Variants in BRINP3 observed in about 807,000 individuals in gnomAD.
The protein encoded by BRINP3 is BMP/retinoic acid-inducible neural-specific protein 3.
In BRINP3, 19 loss-of-function variants were observed where a neutral mutation model predicts 71.0. That is an observed-to-expected ratio of 0.27 (90% confidence interval 0.19 to 0.39). BRINP3 has a LOEUF of 0.39. BRINP3 is among the 10% of genes least tolerant of loss of function. BRINP3 has a pLI of 1.00. For synonymous variants in BRINP3, 380 were observed against 337.7 expected (o/e 1.13, Z -1.37); for missense variants, 959 against 940.8 (o/e 1.02, Z -0.25).
intron 2 of BRINP3, among the ~76,000 whole-genome samples, chr1:190,390,095 T>C (rs1460407395): frequency 2.0e-5 from 3 of 151,640 alleles, no homozygotes; most frequent in Non-Finnish European, 4.4e-5. Context: ...GCAGTAACTC[T>C]CAGAAGGTGA....
chr1:190,192,640 T>C (rs1369381446), intron 6 of BRINP3, among the ~76,000 whole-genome samples: 1 of 152,026 alleles, frequency 6.6e-6, no homozygotes, highest in Non-Finnish European at 1.5e-5. Context: ...AAGTTCTCTA[T>C]GACCCTCAAA....
intron 1 of BRINP3, among the ~76,000 whole-genome samples, chr1:190,456,002 A>C (rs944058101): frequency 3.3e-5 from 5 of 152,214 alleles, no homozygotes; most frequent in Non-Finnish European, 5.9e-5. Flanking sequence ...TACAGAGTGC[A>C]AAGATTCTGA....
chr1:190,192,090 A>T (rs1558050713), intron 6 of BRINP3, among the ~76,000 whole-genome samples: 1 of 152,152 alleles, frequency 6.6e-6, no homozygotes, highest in Non-Finnish European at 1.5e-5. Flanking sequence ...TCTGAAGTTG[A>T]GTTCCAAAAA....
intron 6 of BRINP3, among the ~76,000 whole-genome samples, chr1:190,164,933 T>C (rs1651356843): frequency 6.6e-6 from 1 of 152,162 alleles, no homozygotes; most frequent in Non-Finnish European, 1.5e-5. Context: ...AAAACTCTAC[T>C]GGCTCACATT....
chr1:190,397,306 A>G (rs969161841), intron 2 of BRINP3, among the ~76,000 whole-genome samples: 1 of 151,970 alleles, frequency 6.6e-6, no homozygotes, highest in African/African-American at 2.4e-5. Flanking sequence ...GGAATTGTTC[A>G]TAGATGAATA....
At chr1:190,199,997 C>G (rs1243621654) in intron 6 of BRINP3, among the ~76,000 whole-genome samples, 1 of 152,082 alleles carries the variant, frequency 6.6e-6, no homozygotes, top group East Asian at 1.9e-4. Flanking sequence ...CTGGTAATGA[C>G]AGGAGCTGGC....
chr1:190,304,965 C>T lies in BRINP3; in HGVS notation c.237-23215G>A, dbSNP rs566155732. On this transcript the variant is annotated intron_variant, in intron 2 of 7. Coordinates refer to ENST00000367462, the MANE Select transcript of BRINP3 (RefSeq NM_199051.3). ...AAACTGGGCAAAAAATTTGAAGAGA[C>T]ATTTCTCAAAAGAAGACATACAAAT... is the stretch of plus-strand genomic sequence containing the variant. 6.6e-5 allele frequency among the ~76,000 whole-genome samples: 10 copies of T among 152,014 alleles called. 1 individual carries two copies. Among genetic ancestry groups the T allele is most frequent in the African/African-American group, 2.2e-4 (9 of 41,528 alleles).
At chr1:190,440,381 A>G (rs1572048523) in intron 2 of BRINP3, among the ~76,000 whole-genome samples, 1 of 152,110 alleles carries the variant, frequency 6.6e-6, no homozygotes, top group African/African-American at 2.4e-5. Flanking sequence ...TATACTCAAA[A>G]CAATTTAAGT....
chr1:190,449,403 A>G (rs1291274354), intron 2 of BRINP3, among the ~76,000 whole-genome samples: 1 of 152,024 alleles, frequency 6.6e-6, no homozygotes, highest in Non-Finnish European at 1.5e-5. Flanking sequence ...GATCATGAAG[A>G]GGTAATCTCT....
chr1:190,120,182 T>C (rs1025569909), intron 7 of BRINP3, among the ~76,000 whole-genome samples: 1 of 152,220 alleles, frequency 6.6e-6, no homozygotes, highest in East Asian at 1.9e-4. Flanking sequence ...ATTCAAAGAA[T>C]GTAGAATTCT....
At chr1:190,360,050 G>T (rs1039007186) in intron 2 of BRINP3, among the ~76,000 whole-genome samples, 1 of 152,160 alleles carries the variant, frequency 6.6e-6, no homozygotes, top group African/African-American at 2.4e-5. Context: ...AAAAGGCAGT[G>T]ACACAGGTGT....
chr1:190,407,795 T>A (rs1176565280), intron 2 of BRINP3, among the ~76,000 whole-genome samples: 1 of 152,094 alleles, frequency 6.6e-6, no homozygotes, highest in East Asian at 1.9e-4. Flanking sequence ...TTGGAATATA[T>A]CCATAATAAA....
At chr1:190,340,593 C>A (rs1328669538) in intron 2 of BRINP3, among the ~76,000 whole-genome samples, 1 of 151,638 alleles carries the variant, frequency 6.6e-6, no homozygotes, top group Non-Finnish European at 1.5e-5. Flanking sequence ...TTCCTGACAC[C>A]CACATTTGAA....
chr1:190,415,061 G>T (rs180831927), intron 2 of BRINP3, among the ~76,000 whole-genome samples: 1 of 152,136 alleles, frequency 6.6e-6, no homozygotes, highest in Admixed American at 6.5e-5. Flanking sequence ...AAATTGCAGA[G>T]AATTGGACCT....
rs768599124 is a variant in BRINP3, at chr1:190,098,834, G to A, written c.1485C>T (p.Leu495=). The change falls in exon 8 of 8, where the codon CTC becomes CTT. Residue 495 remains leucine (L), a synonymous_variant. Coordinates refer to ENST00000367462, the MANE Select transcript of BRINP3 (RefSeq NM_199051.3). ...TTTTCTGCAGCAGATATTTCATCTC[G>A]AGATCTTGCAGGTCAGTTTCAAAGC... The part of the protein sequence containing the change: ...YIGFETDLQD[L]EMKYLLQKTD... 6.2e-6 allele frequency: 10 copies of A among 1,614,046 alleles called. No homozygotes were observed. Among genetic ancestry groups the A allele is most frequent in the Non-Finnish European group, 8.5e-6 (10 of 1,180,036 alleles).
chr1:190,252,381 G>A (rs1660227714), intron 4 of BRINP3, among the ~76,000 whole-genome samples: 1 of 151,946 alleles, frequency 6.6e-6, no homozygotes, highest in African/African-American at 2.4e-5. Context: ...TTAAAAATAA[G>A]GTATTTCCAA....
At chr1:190,386,227 T>C (rs1043907498) in intron 2 of BRINP3, among the ~76,000 whole-genome samples, 3 of 135,238 alleles carry the variant, frequency 2.2e-5, no homozygotes, top group African/African-American at 5.4e-5. Context: ...ACTTAAAGTA[T>C]AATAATAAAA....
Position 190,277,113 on chromosome 1 carries a change from A to ATATATATATATATATATATATT in BRINP3, c.427+4446_427+4447insAATATATATATATATATATATA, listed in dbSNP as rs746851050. Among the ~76,000 whole-genome samples the ATATATATATATATATATATATT allele has an allele frequency of 9.8e-3, 1,054 of 107,060 alleles. 18 individuals are homozygous for ATATATATATATATATATATATT. Among genetic ancestry groups the ATATATATATATATATATATATT allele is most frequent in the African/African-American group, 0.017 (499 of 29,184 alleles). 70.2% of individuals were successfully genotyped at this position (107,060 alleles called of 152,430 possible). A position where few individuals can be genotyped will look rare whatever the true frequency, so the allele number is the denominator to read the frequency against. On this transcript the variant is annotated intron_variant, in intron 3 of 7. Transcript: ENST00000367462. The stretch of plus-strand genomic sequence containing the variant: ...TATATATATATATATATATATATAT[A>ATATATATATATATATATATATT]TATATTTATATTCAGAAAAGAAAAC...
chr1:190,204,533 G>A (rs930921315), intron 6 of BRINP3, among the ~76,000 whole-genome samples: 1 of 151,692 alleles, frequency 6.6e-6, no homozygotes, highest in Non-Finnish European at 1.5e-5. Flanking sequence ...TATATTGGTA[G>A]CAATTAAGAA....
Sources: gnomAD v4.1 joint callset for allele counts (sites outside exome capture counted in the v4.1 genomes callset) on GRCh38, gnomAD v4.1.1 for gene constraint, MANE v1.5 for transcripts, NCBI Gene and HGNC (gene_info 2026-07-23, HGNC 2026-07-21) for gene names.